The following SLC4A1 variants were observed in gnomAD, a reference collection of about 807,000 sequenced individuals.
SLC4A1 encodes band 3 anion transport protein.
Under a neutral mutation model 93.1 loss-of-function variants are expected in SLC4A1, and 29 were observed. The ratio of observed to expected loss-of-function variants is 0.31; its 90% CI spans 0.23 to 0.42. The LOEUF is 0.42. Among genes scored for constraint, SLC4A1 ranks in the 20% least tolerant of loss-of-function variants. The pLI is 1.00. For missense variants in SLC4A1, 965 were observed against 1,190.1 expected, an observed-to-expected ratio of 0.81 and a Z score of 2.78; for synonymous variants, 469 against 497.2, an observed-to-expected ratio of 0.94 and a Z score of 0.76.
chr17:44,257,921 T>C (rs369386330), intron 11 of SLC4A1, 65 bp downstream of exon 11: 5 of 1,608,702 alleles, frequency 3.1e-6, no homozygotes, highest in South Asian at 1.1e-5. Context: ...GAGTCAGAAG[T>C]TGGGGCTGAG....
chr17:44,253,482 C>T lies in SLC4A1; in HGVS notation c.2058-111G>A, dbSNP rs931949224. The T allele has an allele frequency of 1.0e-5, 14 of 1,403,298 alleles. No homozygotes were observed. The African/African-American group carries it at 1.8e-4, about 18-fold the overall frequency. The allele number at this position is 1,403,298 out of a possible 1,614,324, so 86.9% of individuals were successfully genotyped here. On this transcript the variant is annotated intron_variant, in intron 16 of 19. Coordinates refer to ENST00000262418, the MANE Select transcript of SLC4A1 (RefSeq NM_000342.4). ...TAGCTCAGTTTTGTCTTCTGTGCCC[C>T]TCGCTCTTTGAGTTCCTTGCTCCCC...
rs74842950 is a variant in SLC4A1 at position 44,252,902 on chromosome 17, G to T, written c.2311+216C>A. On this transcript the variant is annotated intron_variant, in intron 17 of 19. Transcript: ENST00000262418. ...CTGGTCTGGAGAAGGCCTCGGAGTG[G>T]AGCCCCCTTCCTCCCTGCTCAGACG... Among the ~76,000 whole-genome samples, 896 of 152,260 alleles carry T rather than the reference G, an allele frequency of 5.9e-3. 3 individuals carry two copies. The highest frequency in any genetic ancestry group is 0.041 in the Middle Eastern group (12 of 294).
At position 44,260,745 on chromosome 17, in the gene SLC4A1, C is replaced by T. The variant is rs372860708; in HGVS notation, c.239G>A (p.Arg80His). 22 of 1,614,078 alleles carry T rather than the reference C, an allele frequency of 1.4e-5. No individual in the cohort carries two copies. The highest frequency in any genetic ancestry group is 1.6e-4 in the Middle Eastern group (1 of 6,062). ...NQELRWMEAA[R>H]WVQLEENLGE... is the part of the protein sequence containing the mutation. ...CAGGTTCTCCTCCAGTTGCACCCAGCGCGCCGCCTCCATCCATCTCAGCTC... is the reference window on the plus strand; with the variant it reads ...CAGGTTCTCCTCCAGTTGCACCCAGTGCGCCGCCTCCATCCATCTCAGCTC... Residue 80 changes from arginine (R) to histidine (H), a missense_variant, in exon 5 of 20, where the codon CGC becomes CAC. Transcript: ENST00000262418.
chr17:44,266,155 G>C (rs1037644339), intron 1 of SLC4A1, among the ~76,000 whole-genome samples: 9 of 152,112 alleles, frequency 5.9e-5, no homozygotes, highest in Admixed American at 5.2e-4. Context: ...GAGGGGTCCT[G>C]GACCTGAGGA....
chr17:44,262,860 C>T lies in SLC4A1; in HGVS notation c.7G>A (p.Glu3Lys). The T allele has an allele frequency of 6.2e-7, 1 of 1,614,200 alleles. No homozygotes were observed. The highest frequency in any genetic ancestry group is 2.2e-5 in the East Asian group (1 of 44,884). Reference sequence around the variant, plus strand: ...TGCCAGGGAACACCCACCTGCAGCTCCTCCATGGCGTGGTCCTGAGTGTCC... The same window carrying T: ...TGCCAGGGAACACCCACCTGCAGCTTCTCCATGGCGTGGTCCTGAGTGTCC... The part of the protein sequence containing the change: ME[E>K]LQDDYEDMME... Residue 3 changes from glutamate (E) to lysine (K), a missense_variant, in exon 2 of 20, where the codon GAG becomes AAG. By Grantham distance (56) the Glu-to-Lys change is moderately conservative. Around this residue, in one of 2 missense-constraint regions of SLC4A1, gnomAD observed 195 missense variants for 183.5 expected, o/e 1.06. Transcript: ENST00000262418.
At chr17:44,263,729 CCTTCCTTCCTCCATCCCTG>C (rs1454953898) in intron 1 of SLC4A1, among the ~76,000 whole-genome samples, 14 of 150,178 alleles carry the variant, frequency 9.3e-5, no homozygotes, top group African/African-American at 2.5e-4. Context: ...TTCCTTCCTT[CCTTCCTTCCTCCATCCCTG>C]CTTCCTTCCT....
At chr17:44,253,010 G>T in intron 17 of SLC4A1, 108 bp downstream of exon 17, 1 of 1,185,004 alleles carries the variant, frequency 8.4e-7, no homozygotes, top group Non-Finnish European at 1.2e-6. Context: ...AGTGGTGCAG[G>T]ATGGGGGAGG....
intron 16 of SLC4A1, among the ~76,000 whole-genome samples, 199 bp downstream of exon 16, chr17:44,254,297 G>T (rs1445035227): frequency 6.6e-6 from 1 of 151,590 alleles, no homozygotes; most frequent in African/African-American, 2.4e-5. Flanking sequence ...TTCTTAAAAA[G>T]AGCTCTCCAA....
At chr17:44,254,847 C>G (rs1237862634) in intron 15 of SLC4A1, among the ~76,000 whole-genome samples, 185 bp from the exon 16 acceptor site, 2 of 152,176 alleles carry the variant, frequency 1.3e-5, no homozygotes, top group East Asian at 3.8e-4. Context: ...TGCTCGTTCC[C>G]CACTTTAAAG....
intron 5 of SLC4A1, 26 bp from the exon 6 acceptor site, chr17:44,260,565 G>A: frequency 6.2e-7 from 1 of 1,614,178 alleles, no homozygotes. Flanking sequence ...GAGTGAGCTG[G>A]TAGGCTGGGC....
intron 16 of SLC4A1, 142 bp from the exon 17 acceptor site, chr17:44,253,513 C>T: frequency 9.7e-7 from 1 of 1,030,926 alleles, no homozygotes; most frequent in Non-Finnish European, 1.4e-6. Context: ...TCCCCTCCCT[C>T]CCGCCCCATC....
At chr17:44,252,047 CTTTTTTTTTT>C (rs966641655) in intron 17 of SLC4A1, among the ~76,000 whole-genome samples, 1 of 69,100 alleles carries the variant, frequency 1.4e-5, no homozygotes, top group South Asian at 4.6e-4. Flanking sequence ...TCCTATGGGT[CTTTTTTTTTT>C]TTTTTTTTTT....
At position 44,250,314 on chromosome 17, in the gene SLC4A1, T is replaced by C. The variant is rs1009412413; in HGVS notation, c.*144A>G. On this transcript the variant is annotated 3_prime_UTR_variant, in exon 20 of 20. Transcript: ENST00000262418. ...TTGTGGAAGGTCTCCTGGACACGCC[T>C]TCCTTCCCCACCCACAGCCCTGGGG... is the stretch of plus-strand genomic sequence containing the variant. 28 of 716,906 alleles carry C rather than the reference T, an allele frequency of 3.9e-5. No homozygotes were observed. The highest frequency in any genetic ancestry group is 6.4e-5 in the Non-Finnish European group (26 of 405,786). 44.4% of individuals were successfully genotyped at this position (716,906 alleles called of 1,614,324 possible).
Position 44,259,590 on chromosome 17 carries a change from A to G in SLC4A1, c.610-9T>C, listed in dbSNP as rs1462575077. 2 of 1,610,948 alleles carry G rather than the reference A, an allele frequency of 1.2e-6. No individual in the cohort carries two copies. Among genetic ancestry groups the G allele is most frequent in the East Asian group, 2.2e-5 (1 of 44,840 alleles). On this transcript the variant is annotated splice_polypyrimidine_tract_variant and intron_variant, in intron 7 of 19. Transcript: ENST00000262418. ...TCTGTGCCCCCATCTCCCTGTGGGA[A>G]GGAGGGTGGTGACGGGAGTCCTCGG... is the stretch of plus-strand genomic sequence containing the variant.
chr17:44,257,706 C>T lies in SLC4A1; in HGVS notation c.1384G>A (p.Val462Ile). Residue 462 changes from valine to isoleucine, a missense_variant, in exon 12 of 20, where the codon GTC (valine) becomes ATC (isoleucine). Val to Ile is a conservative substitution (Grantham distance 29). Coordinates refer to ENST00000262418, the MANE Select transcript of SLC4A1 (RefSeq NM_000342.4). ...ALLGAQPLLVVGFSGPLLVFE... is the reference protein window; with the variant it reads ...ALLGAQPLLVIGFSGPLLVFE... Reference sequence around the variant, plus strand: ...ACCAGCAGGGGTCCTGAGAAGCCGACCACAAGCAGGGGCTGAGCCCCCAGC... The same window carrying T: ...ACCAGCAGGGGTCCTGAGAAGCCGATCACAAGCAGGGGCTGAGCCCCCAGC... The T allele has an allele frequency of 1.2e-6, 2 of 1,613,986 alleles. No homozygotes were observed. The highest frequency in any genetic ancestry group is 1.7e-5 in the Admixed American group (1 of 60,010).
At chr17:44,259,124 C>A (rs1323905086) in intron 9 of SLC4A1, 39 bp downstream of exon 9, 1 of 1,609,048 alleles carries the variant, frequency 6.2e-7, no homozygotes, top group Non-Finnish European at 8.5e-7. Flanking sequence ...ATGCAGGTCC[C>A]AAGCTTCCCC....
chr17:44,259,950 G>C lies in SLC4A1; in HGVS notation c.486-18C>G. On this transcript the variant is annotated intron_variant, in intron 6 of 19. Coordinates refer to ENST00000262418, the MANE Select transcript of SLC4A1 (RefSeq NM_000342.4). ...CAGCGTGGCTGCAGGACGTACAGGGGACATGGGCTGAGTAAGCTGTTCAGG... is the reference window on the plus strand; with the variant it reads ...CAGCGTGGCTGCAGGACGTACAGGGCACATGGGCTGAGTAAGCTGTTCAGG... 1 of 1,613,060 alleles carries C rather than the reference G, an allele frequency of 6.2e-7. No homozygotes were observed. The highest frequency in any genetic ancestry group is 8.5e-7 in the Non-Finnish European group (1 of 1,180,004).
chr17:44,262,587 G>T, intron 3 of SLC4A1, 49 bp downstream of exon 3: 1 of 1,433,102 alleles, frequency 7.0e-7, no homozygotes, highest in Non-Finnish European at 9.7e-7. Flanking sequence ...TCCTGTCCCT[G>T]TCTAGGGCTC....
Position 44,262,745 on chromosome 17 carries a change from G to A in SLC4A1, c.16-19C>T. 1 of 1,612,412 alleles carries A rather than the reference G, an allele frequency of 6.2e-7. No individual in the cohort carries two copies. Among genetic ancestry groups the A allele is most frequent in the Non-Finnish European group, 8.5e-7 (1 of 1,178,378 alleles). ...AATCATCCTGTGGGAAGTGGCCGCT[G>A]AGGCTGGGCTGTGAGGGGCTCTTCC... is the stretch of plus-strand genomic sequence containing the variant. On this transcript the variant is annotated intron_variant, in intron 2 of 19. Coordinates refer to ENST00000262418, the MANE Select transcript of SLC4A1 (RefSeq NM_000342.4).
Sources: allele counts gnomAD v4.1 joint callset (sites outside exome capture counted in the v4.1 genomes callset), GRCh38; gene constraint gnomAD v4.1.1; regional missense constraint gnomAD v4.1.1; transcripts MANE v1.5; gene names NCBI Gene and HGNC (gene_info 2026-07-23, HGNC 2026-07-21).